Variants in P2RX5 observed in about 807,000 individuals in gnomAD.
The protein encoded by P2RX5 is P2X purinoceptor 5.
In P2RX5, 46 loss-of-function variants were observed where a neutral mutation model predicts 54.1. That is an observed-to-expected ratio of 0.85 (90% confidence interval 0.67 to 1.09). The LOEUF (loss-of-function observed/expected upper bound fraction) is 1.09, where lower values mean the gene tolerates loss of function less well. P2RX5 is among the 50% of genes least tolerant of loss of function. The pLI, the probability that P2RX5 is intolerant of heterozygous loss-of-function variation, is 0.00. For synonymous variants in P2RX5, 226 were observed against 226.4 expected (o/e 1.00, Z 0.02); for missense variants, 566 against 549.8 (o/e 1.03, Z -0.29).
intron 8 of P2RX5, among the ~76,000 whole-genome samples, chr17:3,688,387 G>A (rs758428267): frequency 1.3e-5 from 2 of 152,196 alleles, no homozygotes; most frequent in Non-Finnish European, 2.9e-5. Flanking sequence ...GGCAGAGGCC[G>A]CAAGACTCGG....
At chr17:3,690,765 T>C in intron 3 of P2RX5, 85 bp from the exon 4 acceptor site, 8 of 1,403,970 alleles carry the variant, frequency 5.7e-6, no homozygotes, top group Middle Eastern at 1.8e-4. Context: ...ATAGGGGTTC[T>C]TCTTCGGCCT....
chr17:3,699,258 G>A (rs1246298595), upstream of P2RX5, among the ~76,000 whole-genome samples: 2 of 151,940 alleles, frequency 1.3e-5, no homozygotes, highest in Non-Finnish European at 2.9e-5. Flanking sequence ...AGCTGGATGT[G>A]GTCGTGCACA....
intron 9 of P2RX5, among the ~76,000 whole-genome samples, chr17:3,685,092 A>G (rs996266505): frequency 1.3e-4 from 19 of 151,964 alleles, no homozygotes; most frequent in African/African-American, 4.1e-4. Context: ...GTGATCCGCC[A>G]CCTCACCCTC....
the P2RX5 span, among the ~76,000 whole-genome samples, chr17:3,701,498 GCCTGAA>G: frequency 6.6e-6 from 1 of 152,056 alleles, no homozygotes; most frequent in Admixed American, 6.6e-5. Flanking sequence ...TTCGAGACCA[GCCTGAA>G]CAATATGGAG....
chr17:3,683,246 C>G (rs1427753100), intron 9 of P2RX5, among the ~76,000 whole-genome samples: 2 of 152,234 alleles, frequency 1.3e-5, no homozygotes, highest in South Asian at 2.1e-4. Flanking sequence ...GAGGGGCCAA[C>G]AAGGAATCTT....
intron 1 of P2RX5, among the ~76,000 whole-genome samples, chr17:3,693,488 C>A (rs2050674252): frequency 1.3e-5 from 2 of 152,204 alleles, no homozygotes; most frequent in South Asian, 4.1e-4. Context: ...GTCATCCCAG[C>A]ACTTTGGGAG....
chr17:3,707,395 C>A, the P2RX5 span, among the ~76,000 whole-genome samples: 11 of 152,158 alleles, frequency 7.2e-5, no homozygotes, highest in African/African-American at 2.2e-4. Context: ...CCAATCCAGT[C>A]AGTTCTTCAT....
chr17:3,683,632 A>C (rs922811894), intron 9 of P2RX5, among the ~76,000 whole-genome samples: 1 of 150,864 alleles, frequency 6.6e-6, no homozygotes, highest in African/African-American at 2.4e-5. Flanking sequence ...CAGGAGGCTG[A>C]GGCAGAAGAA....
the P2RX5 span, among the ~76,000 whole-genome samples, chr17:3,713,692 G>A: frequency 1.9e-4 from 29 of 151,582 alleles, no homozygotes; most frequent in African/African-American, 6.3e-4. Flanking sequence ...GGAGGTTGCG[G>A]TGAGCCAAGA....
the P2RX5 span, among the ~76,000 whole-genome samples, chr17:3,708,782 C>G: frequency 6.6e-6 from 1 of 152,010 alleles, no homozygotes; most frequent in Non-Finnish European, 1.5e-5. Flanking sequence ...CCACCTGACC[C>G]CCAGCATTTA....
chr17:3,705,545 G>A, the P2RX5 span, among the ~76,000 whole-genome samples: 2 of 152,076 alleles, frequency 1.3e-5, no homozygotes, highest in East Asian at 1.9e-4. Context: ...CACACGATAG[G>A]ATCTGTACCA....
At chr17:3,708,961 CTTTTT>C in the P2RX5 span, among the ~76,000 whole-genome samples, 1 of 151,614 alleles carries the variant, frequency 6.6e-6, no homozygotes, top group East Asian at 1.9e-4. Context: ...TCTTTCTTTT[CTTTTT>C]TTTGAGACAG....
chr17:3,683,782 G>A (rs2050355517), intron 9 of P2RX5, among the ~76,000 whole-genome samples: 1 of 150,410 alleles, frequency 6.6e-6, no homozygotes, highest in Non-Finnish European at 1.5e-5. Flanking sequence ...CCTTCTGTAA[G>A]AAAGTAACAG....
At chr17:3,696,580 A>G (rs2050763458), upstream of P2RX5, among the ~76,000 whole-genome samples, 1 of 151,998 alleles carries the variant, frequency 6.6e-6, no homozygotes, top group Non-Finnish European at 1.5e-5. Flanking sequence ...TCAGCCTCCC[A>G]AGTAGCTGGG....
upstream of P2RX5, among the ~76,000 whole-genome samples, chr17:3,699,079 A>ACC: frequency 8.6e-6 from 1 of 116,186 alleles, no homozygotes. Context: ...ACACACACAC[A>ACC]CACACACACA....
At chr17:3,704,711 AGGAT>A in the P2RX5 span, among the ~76,000 whole-genome samples, 1 of 152,218 alleles carries the variant, frequency 6.6e-6, no homozygotes, top group Non-Finnish European at 1.5e-5. Context: ...GGCACTAAAA[AGGAT>A]AAAGATTCAG....
At chr17:3,699,052 GACACACACACACAC>G (rs71379596), upstream of P2RX5, among the ~76,000 whole-genome samples, 2 of 40,848 alleles carry the variant, frequency 4.9e-5, no homozygotes, top group African/African-American at 9.6e-5. Flanking sequence ...TATATAGACA[GACACACACACACAC>G]ACACACACAC....
At chr17:3,682,449 A>T in intron 9 of P2RX5, 1 of 230,512 alleles carries the variant, frequency 4.3e-6, no homozygotes, top group Non-Finnish European at 8.8e-6. Flanking sequence ...TTTATACAAG[A>T]CAAAGAGGTG....
chr17:3,723,617 G>A, the P2RX5 span: 1 of 1,431,336 alleles, frequency 7.0e-7, no homozygotes. Flanking sequence ...AGGAAAAACA[G>A]TCTCCTGGCC....
Sources: allele counts gnomAD v4.1 joint callset (sites outside exome capture counted in the v4.1 genomes callset), GRCh38; gene constraint gnomAD v4.1.1; transcripts MANE v1.5; gene names NCBI Gene and HGNC (gene_info 2026-07-23, HGNC 2026-07-21).